The following KHDRBS2 variants were observed in gnomAD, a reference collection of about 807,000 sequenced individuals.
KHDRBS2 encodes KH domain-containing, RNA-binding, signal transduction-associated protein 2.
Under a neutral mutation model 44.3 loss-of-function variants are expected in KHDRBS2, and 26 were observed. The observed-to-expected ratio is 0.59, with a 90% CI of 0.43 to 0.81. The LOEUF is 0.81. Among genes scored for constraint, KHDRBS2 ranks in the 40% least tolerant of loss-of-function variants. The pLI is 0.00. For missense variants in KHDRBS2, 476 were observed against 433.1 expected (o/e 1.10, Z -0.88); for synonymous variants, 194 against 151.1 (o/e 1.28, Z -2.08).
intron 2 of KHDRBS2, among the ~76,000 whole-genome samples, chr6:62,171,985 C>A (rs1028924138): frequency 6.6e-6 from 1 of 152,102 alleles, no homozygotes; most frequent in South Asian, 2.1e-4. Context: ...CACTTAAGTA[C>A]ATAGACCATT....
intron 3 of KHDRBS2, among the ~76,000 whole-genome samples, chr6:62,009,277 G>C (rs2127267509): frequency 6.6e-6 from 1 of 152,236 alleles, no homozygotes; most frequent in African/African-American, 2.4e-5. Flanking sequence ...AGAGATTTGT[G>C]GAACTTTGAA....
chr6:62,007,549 TTTAA>T (rs1470957170), intron 3 of KHDRBS2, among the ~76,000 whole-genome samples: 2 of 152,114 alleles, frequency 1.3e-5, no homozygotes, highest in African/African-American at 2.4e-5. Flanking sequence ...CTTTAATCTG[TTTAA>T]TTAATTATTG....
chr6:61,630,666 G>C, the KHDRBS2 span, among the ~76,000 whole-genome samples: 11 of 152,130 alleles, frequency 7.2e-5, no homozygotes, highest in Admixed American at 1.3e-4. Flanking sequence ...AAAAAGTGAG[G>C]TTTCCTAGGA....
chr6:61,742,469 C>T (rs1776277879), intron 6 of KHDRBS2, among the ~76,000 whole-genome samples: 1 of 151,926 alleles, frequency 6.6e-6, no homozygotes, highest in African/African-American at 2.4e-5. Flanking sequence ...CTATGGGTTA[C>T]TTATAATTTT....
intron 7 of KHDRBS2, among the ~76,000 whole-genome samples, chr6:61,700,469 A>C (rs1482099899): frequency 6.6e-6 from 1 of 150,800 alleles, no homozygotes; most frequent in Non-Finnish European, 1.5e-5. Flanking sequence ...AAAATGATGT[A>C]TAATAATCAA....
chr6:61,842,543 A>G (rs910178170), intron 6 of KHDRBS2, among the ~76,000 whole-genome samples: 1 of 152,172 alleles, frequency 6.6e-6, no homozygotes, highest in Non-Finnish European at 1.5e-5. Context: ...TAGCATTAGT[A>G]TGCTTCTAAA....
At chr6:62,285,836 C>T (rs762970925) in intron 1 of KHDRBS2, 22 bp downstream of exon 1, 9 of 1,584,710 alleles carry the variant, frequency 5.7e-6, no homozygotes, top group Non-Finnish European at 7.8e-6. Context: ...GGTTTGTGCC[C>T]ATCTGTGGGG....
intron 1 of KHDRBS2, among the ~76,000 whole-genome samples, chr6:62,251,105 A>G (rs1182690071): frequency 6.6e-6 from 1 of 151,868 alleles, no homozygotes; most frequent in Middle Eastern, 3.2e-3. Context: ...ATACACACTG[A>G]CCTACTTACG....
At chr6:62,104,378 G>T (rs916067018) in intron 2 of KHDRBS2, among the ~76,000 whole-genome samples, 3 of 151,878 alleles carry the variant, frequency 2.0e-5, no homozygotes, top group African/African-American at 7.3e-5. Flanking sequence ...TGCCATGCTG[G>T]TGCACTGCAC....
intron 2 of KHDRBS2, among the ~76,000 whole-genome samples, chr6:62,114,326 T>C (rs1463224669): frequency 1.3e-5 from 2 of 152,046 alleles, no homozygotes; most frequent in East Asian, 3.9e-4. Flanking sequence ...GGAAAATAAA[T>C]AGGAGTTAAT....
At chr6:61,747,277 C>A (rs1777010726) in intron 6 of KHDRBS2, among the ~76,000 whole-genome samples, 1 of 152,024 alleles carries the variant, frequency 6.6e-6, no homozygotes, top group Admixed American at 6.6e-5. Flanking sequence ...TCAGGAAAAC[C>A]AAAACAAAAA....
the KHDRBS2 span, among the ~76,000 whole-genome samples, chr6:61,644,292 A>C: frequency 1.3e-5 from 2 of 152,112 alleles, no homozygotes; most frequent in African/African-American, 4.8e-5. Context: ...ACACCATATT[A>C]AAAATAATCA....
chr6:62,270,544 C>G (rs1290175471), intron 1 of KHDRBS2, among the ~76,000 whole-genome samples: 2 of 151,840 alleles, frequency 1.3e-5, no homozygotes, highest in African/African-American at 2.4e-5. Flanking sequence ...AAGACTGAGA[C>G]AGCAGGTTAT....
the KHDRBS2 span, among the ~76,000 whole-genome samples, chr6:61,609,419 A>G: frequency 6.6e-6 from 1 of 152,202 alleles, no homozygotes; most frequent in Non-Finnish European, 1.5e-5. Context: ...AACTATAATG[A>G]TGTATAATCT....
chr6:61,568,246 T>G, the KHDRBS2 span, among the ~76,000 whole-genome samples: 1 of 152,232 alleles, frequency 6.6e-6, no homozygotes, highest in Non-Finnish European at 1.5e-5. Flanking sequence ...ACTATAGCCT[T>G]GGATGATAAT....
Position 62,050,930 on chromosome 6 carries a change from G to A in KHDRBS2, c.220-2936C>T, listed in dbSNP as rs556659783. ...GAAGTACGGACAAACAAGTTTATAT[G>A]TAAACAGAAAGAAACTAGCCACTGA... On this transcript the variant is annotated intron_variant, in intron 2 of 8. Transcript: ENST00000281156. Among the ~76,000 whole-genome samples the A allele has an allele frequency of 3.9e-5, 6 of 152,160 alleles. No individual in the cohort carries two copies. The South Asian group carries it at 1.2e-3, about 32-fold the overall frequency.
At chr6:61,954,931 T>C (rs1284503592) in intron 4 of KHDRBS2, among the ~76,000 whole-genome samples, 2 of 116,284 alleles carry the variant, frequency 1.7e-5, no homozygotes, top group African/African-American at 2.8e-5. Flanking sequence ...TGTATACACA[T>C]ACATATGTAT....
intron 1 of KHDRBS2, among the ~76,000 whole-genome samples, chr6:62,285,399 G>A (rs1842346084): frequency 6.6e-6 from 1 of 152,056 alleles, no homozygotes; most frequent in Non-Finnish European, 1.5e-5. Flanking sequence ...CTTTCCATAG[G>A]ATAGACTTTG....
intron 6 of KHDRBS2, among the ~76,000 whole-genome samples, chr6:61,759,833 C>G (rs1222864730): frequency 6.6e-6 from 1 of 152,120 alleles, no homozygotes; most frequent in East Asian, 1.9e-4. Flanking sequence ...CCTAAAGGAG[C>G]CAGAATGTGT....
Sources: gnomAD v4.1 joint callset for allele counts (sites outside exome capture counted in the v4.1 genomes callset) on GRCh38, gnomAD v4.1.1 for gene constraint, MANE v1.5 for transcripts, NCBI Gene and HGNC (gene_info 2026-07-23, HGNC 2026-07-21) for gene names.